The following ESR1 variants were observed in gnomAD, a reference collection of about 807,000 sequenced individuals.
ESR1 encodes estrogen receptor 1, also known as estrogen receptor.
ESR1 carries 12 observed loss-of-function variants against 52.7 expected under a neutral mutation model. That is an observed-to-expected ratio of 0.23 (90% CI 0.15 to 0.37). The LOEUF (loss-of-function observed/expected upper bound fraction) is 0.37. ESR1 is among the 10% of genes least tolerant of loss of function. The pLI, the probability that ESR1 is intolerant of heterozygous loss-of-function variation, is 1.00. For missense variants in ESR1, 584 were observed against 779.7 expected, an observed-to-expected ratio of 0.75 and a Z score of 2.99; for synonymous variants, 305 against 316.8, an observed-to-expected ratio of 0.96 and a Z score of 0.39.
chr6:151,917,144 A>G (rs182808588), intron 3 of ESR1, among the ~76,000 whole-genome samples: 6 of 152,292 alleles, frequency 3.9e-5, no homozygotes, highest in East Asian at 3.9e-4. Flanking sequence ...CTCTACACCA[A>G]TCAGCATGAG....
chr6:151,765,704 G>GA, intron 2 of ESR1, among the ~76,000 whole-genome samples: 1 of 152,120 alleles, frequency 6.6e-6, no homozygotes, highest in Non-Finnish European at 1.5e-5. Context: ...ACTTTTCATA[G>GA]AAAGAGTCTG....
chr6:151,915,914 C>T (rs1218548351), intron 3 of ESR1, among the ~76,000 whole-genome samples: 2 of 151,918 alleles, frequency 1.3e-5, no homozygotes, highest in African/African-American at 2.4e-5. Context: ...TATTTTCCCA[C>T]TGAAGGACAA....
chr6:151,866,332 A>G (rs1259862989), intron 2 of ESR1, among the ~76,000 whole-genome samples: 1 of 132,758 alleles, frequency 7.5e-6, no homozygotes, highest in Non-Finnish European at 1.5e-5. Context: ...ACTAGTAGTT[A>G]TTTCTTTTTT....
chr6:151,964,258 G>A (rs973641162), intron 4 of ESR1, among the ~76,000 whole-genome samples: 6 of 152,104 alleles, frequency 3.9e-5, no homozygotes, highest in African/African-American at 1.4e-4. Context: ...GATCACTTTG[G>A]ATAGCATAGA....
At chr6:152,078,166 A>G (rs894876290) in intron 6 of ESR1, among the ~76,000 whole-genome samples, 7 of 152,218 alleles carry the variant, frequency 4.6e-5, no homozygotes, top group African/African-American at 1.7e-4. Flanking sequence ...TTCTTGTGGT[A>G]GTGAGTAAGT....
intron 3 of ESR1, among the ~76,000 whole-genome samples, chr6:151,926,096 C>T (rs917590086): frequency 1.3e-5 from 2 of 152,070 alleles, no homozygotes; most frequent in African/African-American, 4.8e-5. Flanking sequence ...GAAAAGATGA[C>T]CTTTTTCTCA....
At chr6:151,882,310 C>A (rs1371026206) in intron 3 of ESR1, among the ~76,000 whole-genome samples, 1 of 152,092 alleles carries the variant, frequency 6.6e-6, no homozygotes, top group African/African-American at 2.4e-5. Context: ...TGAAGAGATG[C>A]AATGTTGAAT....
At chr6:151,664,003 T>C (rs1334697688) in intron 1 of ESR1, among the ~76,000 whole-genome samples, 4 of 152,216 alleles carry the variant, frequency 2.6e-5, no homozygotes, top group Non-Finnish European at 5.9e-5. Flanking sequence ...ATGTTCTTTC[T>C]ATGAGGGATC....
intron 2 of ESR1, among the ~76,000 whole-genome samples, chr6:151,858,596 T>C (rs1449663614): frequency 6.6e-6 from 1 of 152,050 alleles, no homozygotes; most frequent in African/African-American, 2.4e-5. Flanking sequence ...TTTTTTTTTT[T>C]TTAAAGCATT....
upstream of ESR1, chr6:151,805,400 G>A (rs1777687990): frequency 6.6e-6 from 1 of 152,246 alleles, no homozygotes; most frequent in South Asian, 2.1e-4. Context: ...TTCACAGCAA[G>A]CCTGTTTTTC....
intron 2 of ESR1, among the ~76,000 whole-genome samples, chr6:151,871,981 G>A (rs1472408705): frequency 6.6e-6 from 1 of 152,140 alleles, no homozygotes; most frequent in Non-Finnish European, 1.5e-5. Flanking sequence ...CCATTTGTCT[G>A]TTGATGGACA....
intron 2 of ESR1, among the ~76,000 whole-genome samples, chr6:151,850,101 T>TGAATATAAAATA (rs1447153907): frequency 2.5e-5 from 3 of 120,508 alleles, no homozygotes; most frequent in Admixed American, 1.0e-4. Flanking sequence ...TAATTTTATA[T>TGAATATAAAATA]ATATATACAA....
chr6:152,058,561 AT>A (rs2047293879), intron 5 of ESR1, among the ~76,000 whole-genome samples: 1 of 152,172 alleles, frequency 6.6e-6, no homozygotes, highest in African/African-American at 2.4e-5. Flanking sequence ...ATTTCACTTT[AT>A]TTGGGAATAG....
intron 3 of ESR1, among the ~76,000 whole-genome samples, chr6:151,934,896 C>T (rs1475365889): frequency 1.3e-5 from 2 of 152,112 alleles, no homozygotes; most frequent in South Asian, 2.1e-4. Context: ...AATAGCTTGC[C>T]CTCTCAGGAT....
chr6:151,839,790 A>G (rs184567839), intron 1 of ESR1, among the ~76,000 whole-genome samples: 100 of 152,254 alleles, frequency 6.6e-4, no homozygotes, highest in Non-Finnish European at 1.1e-3. Context: ...GGTGGCTGCT[A>G]GGGGATAGGG....
intron 3 of ESR1, among the ~76,000 whole-genome samples, chr6:151,943,774 T>C (rs1434134444): frequency 1.3e-5 from 2 of 152,204 alleles, no homozygotes; most frequent in Admixed American, 1.3e-4. Flanking sequence ...TAACTAAAAT[T>C]AGAATTCTGT....
chr6:151,747,809 A>G lies in ESR1; in HGVS notation c.-71+45804A>G, dbSNP rs192621855. On this transcript the variant is annotated intron_variant, in intron 2 of 2. Coordinates refer to the ESR1 transcript ENST00000404742. Reference sequence around the variant, plus strand: ...GGTCATTTATATTGCAGCATGTATCAGTACTTCATTCTTTTTATTGCCAAA... The same window carrying G: ...GGTCATTTATATTGCAGCATGTATCGGTACTTCATTCTTTTTATTGCCAAA... Among the ~76,000 whole-genome samples the G allele has an allele frequency of 3.1e-3, 473 of 152,330 alleles. 2 individuals carry two copies. The highest frequency in any genetic ancestry group is 5.1e-3 in the Non-Finnish European group (345 of 68,028).
chr6:151,777,519 T>G (rs1239513170), intron 2 of ESR1, among the ~76,000 whole-genome samples: 1 of 152,062 alleles, frequency 6.6e-6, no homozygotes, highest in Non-Finnish European at 1.5e-5. Context: ...ACTGGACACA[T>G]GTGGAGAATG....
chr6:152,044,297 A>AT (rs2046045607), intron 5 of ESR1, among the ~76,000 whole-genome samples: 1 of 152,204 alleles, frequency 6.6e-6, no homozygotes, highest in South Asian at 2.1e-4. Flanking sequence ...GTCTAATCAT[A>AT]TTTAGCAGCC....
Sources: gnomAD v4.1 joint callset for allele counts (sites outside exome capture counted in the v4.1 genomes callset) on GRCh38, gnomAD v4.1.1 for gene constraint, MANE v1.5 for transcripts, NCBI Gene and HGNC (gene_info 2026-07-23, HGNC 2026-07-21) for gene names.